The following DGAT2L6 variants were observed in gnomAD, a reference collection of about 807,000 sequenced individuals.
DGAT2L6 encodes the protein diacylglycerol O-acyltransferase 2-like protein 6.
In DGAT2L6, 22 loss-of-function variants were observed where a neutral mutation model predicts 25.5. The ratio of observed to expected loss-of-function variants is 0.86; its 90% CI spans 0.62 to 1.23. The LOEUF (loss-of-function observed/expected upper bound fraction) is 1.23, where lower values mean the gene tolerates loss of function less well. Among genes scored for constraint, DGAT2L6 ranks in the 50% most tolerant of loss-of-function variants. The pLI is 0.00. For synonymous variants in DGAT2L6, 100 were observed against 94.7 expected, an observed-to-expected ratio of 1.06 and a Z score of -0.32; for missense variants, 287 against 253.2, an observed-to-expected ratio of 1.13 and a Z score of -0.91.
chrX:70,178,141 GAAA>G (rs372158254), intron 1 of DGAT2L6, among the ~76,000 whole-genome samples: 6 of 94,144 alleles, frequency 6.4e-5, no homozygotes, highest in African/African-American at 2.3e-4. Flanking sequence ...GTCTCAAGAT[GAAA>G]AAAAAAAAAA....
At chrX:70,202,123 C>A in intron 5 of DGAT2L6, 59 bp downstream of exon 5, 2 of 1,025,521 alleles carry the variant, frequency 2.0e-6, no homozygotes, top group East Asian at 7.5e-5. Context: ...CTGTAGCCCT[C>A]TCCAGAATGG....
At chrX:70,184,990 G>A (rs1431293545) in intron 1 of DGAT2L6, among the ~76,000 whole-genome samples, 2 of 111,128 alleles carry the variant, frequency 1.8e-5, no homozygotes, top group Non-Finnish European at 1.9e-5. Flanking sequence ...AGTTTCTCTT[G>A]CTCTCACAGT....
intron 1 of DGAT2L6, among the ~76,000 whole-genome samples, chrX:70,187,864 T>C (rs141925990): frequency 8.9e-6 from 1 of 111,879 alleles, no homozygotes; most frequent in African/African-American, 3.2e-5. Flanking sequence ...AGCTAGAGCT[T>C]AGTGGTTAAG....
At chrX:70,197,905 T>A (rs1043407077) in intron 1 of DGAT2L6, among the ~76,000 whole-genome samples, 1 of 112,321 alleles carries the variant, frequency 8.9e-6, no homozygotes, top group African/African-American at 3.2e-5. Context: ...CTAATTTGAA[T>A]GCTTACAACA....
At chrX:70,185,315 C>A (rs2085356327) in intron 1 of DGAT2L6, among the ~76,000 whole-genome samples, 1 of 112,231 alleles carries the variant, frequency 8.9e-6, no homozygotes, top group African/African-American at 3.2e-5. Context: ...TGAACCTTAT[C>A]TTTCACAAGA....
chrX:70,186,057 T>G (rs772242137), intron 1 of DGAT2L6, among the ~76,000 whole-genome samples: 1 of 111,768 alleles, frequency 8.9e-6, no homozygotes, highest in Non-Finnish European at 1.9e-5. Flanking sequence ...TACACACACA[T>G]GCACACCTTA....
chrX:70,202,790 G>A (rs1232631246), intron 5 of DGAT2L6, among the ~76,000 whole-genome samples: 1 of 111,364 alleles, frequency 9.0e-6, no homozygotes, highest in Admixed American at 9.6e-5. Context: ...GGATGATCCT[G>A]TTAAACATGA....
At chrX:70,203,123 T>G (rs1171344081) in intron 5 of DGAT2L6, among the ~76,000 whole-genome samples, 1 of 112,418 alleles carries the variant, frequency 8.9e-6, no homozygotes, top group Non-Finnish European at 1.9e-5. Context: ...CTCAATACAG[T>G]TATCTGACCA....
chrX:70,202,739 C>A (rs2085415150), intron 5 of DGAT2L6, among the ~76,000 whole-genome samples: 1 of 111,539 alleles, frequency 9.0e-6, no homozygotes, highest in Non-Finnish European at 1.9e-5. Context: ...GTATCTATTC[C>A]CACCTCCCCC....
Position 70,200,270 on chromosome X carries a change from G to C in DGAT2L6, c.283G>C (p.Asp95His). 1 of 1,211,152 alleles carries C rather than the reference G, an allele frequency of 8.3e-7. No homozygotes were observed. The highest frequency in any genetic ancestry group is 1.8e-5 in the South Asian group (1 of 56,970). The change falls in exon 4 of 7, where the codon GAT becomes CAT. Residue 95 changes from aspartate (D) to histidine (H), a missense_variant. By Grantham distance (81) the Asp-to-His change is moderately conservative. Transcript: ENST00000333026. ...CCTCTAACAGCTGGTGAAGACTCAT[G>C]ATCTTTCTCCCAAACACAACTACAT... ...YFPVKLVKTHDLSPKHNYIIA... is the reference protein window; with the variant it reads ...YFPVKLVKTHHLSPKHNYIIA...
chrX:70,185,849 C>T (rs1428104573), intron 1 of DGAT2L6, among the ~76,000 whole-genome samples: 1 of 103,146 alleles, frequency 9.7e-6, no homozygotes, highest in Non-Finnish European at 2.0e-5. Flanking sequence ...TGACAAACTA[C>T]TTTTGTTTTT....
intron 5 of DGAT2L6, among the ~76,000 whole-genome samples, chrX:70,203,030 C>T (rs930028236): frequency 8.9e-6 from 1 of 112,083 alleles, no homozygotes; most frequent in Non-Finnish European, 1.9e-5. Flanking sequence ...TTTGCTTTAG[C>T]GGTTCCCTTG....
In DGAT2L6 at chrX:70,200,301, C is replaced by T; in HGVS notation, c.314C>T (p.Ala105Val). The part of the protein sequence containing the change: ...DLSPKHNYII[A>V]NHPHGILSFG... ...TCTCCCAAACACAACTACATCATTG[C>T]CAATCACCCCCATGGCATTCTCTCT... The change falls in exon 4 of 7, where the codon GCC becomes GTC. Residue 105 changes from alanine to valine, a missense_variant. Ala to Val is a moderately conservative substitution (Grantham distance 64). Transcript: ENST00000333026. 1 of 1,211,350 alleles carries T rather than the reference C, an allele frequency of 8.3e-7. No individual in the cohort carries two copies. Among genetic ancestry groups the T allele is most frequent in the Non-Finnish European group, 1.1e-6 (1 of 895,326 alleles).
At position 70,201,957 on chromosome X, in the gene DGAT2L6, G is replaced by A; in HGVS notation, c.540G>A (p.Val180=). 1 of 1,209,642 alleles carries A rather than the reference G, an allele frequency of 8.3e-7. No individual in the cohort carries two copies. Among genetic ancestry groups the A allele is most frequent in the Non-Finnish European group, 1.1e-6 (1 of 894,573 alleles). The change falls in exon 5 of 7, where the codon GTG becomes GTA. Residue 180 remains valine, a synonymous_variant. Transcript: ENST00000333026. Reference sequence around the variant, plus strand: ...CCCAGAAAGGCTCAGGCAATGCCGTGGTTATTGTGGTGGGTGGAGCTGCTG... The same window carrying A: ...CCCAGAAAGGCTCAGGCAATGCCGTAGTTATTGTGGTGGGTGGAGCTGCTG... ...LLTQKGSGNA[V]VIVVGGAAEA...
intron 4 of DGAT2L6, among the ~76,000 whole-genome samples, chrX:70,201,204 G>T (rs1324136557): frequency 8.9e-6 from 1 of 112,204 alleles, no homozygotes; most frequent in African/African-American, 3.2e-5. Context: ...CTGCTCTGAG[G>T]TTAGCATGGC....
chrX:70,186,032 C>T (rs1025838657), intron 1 of DGAT2L6, among the ~76,000 whole-genome samples: 1 of 111,666 alleles, frequency 9.0e-6, no homozygotes, highest in Admixed American at 9.5e-5. Flanking sequence ...GGAAATAACT[C>T]GTTGCCTATA....
intron 1 of DGAT2L6, among the ~76,000 whole-genome samples, chrX:70,187,873 A>T (rs1221178952): frequency 8.9e-6 from 1 of 112,092 alleles, no homozygotes; most frequent in Non-Finnish European, 1.9e-5. Context: ...TTAGTGGTTA[A>T]GGGTACAGTC....
intron 1 of DGAT2L6, among the ~76,000 whole-genome samples, chrX:70,188,564 C>T (rs372689493): frequency 7.2e-5 from 8 of 111,022 alleles, no homozygotes; most frequent in South Asian, 7.5e-4. Context: ...AAAAATATCA[C>T]GAATTCTATG....
chrX:70,179,373 G>A (rs1188669363), intron 1 of DGAT2L6, among the ~76,000 whole-genome samples: 1 of 111,022 alleles, frequency 9.0e-6, no homozygotes, highest in African/African-American at 3.3e-5. Context: ...AGGAAAGTGA[G>A]GAGCACAGGA....
Sources: allele counts gnomAD v4.1 joint callset (sites outside exome capture counted in the v4.1 genomes callset), GRCh38; gene constraint gnomAD v4.1.1; transcripts MANE v1.5; gene names NCBI Gene and HGNC (gene_info 2026-07-23, HGNC 2026-07-21).